MDM2: variants seen among roughly 807,000 people sequenced by gnomAD.
MDM2 encodes MDM2 proto-oncogene, also known as E3 ubiquitin-protein ligase Mdm2.
In MDM2, 11 loss-of-function variants were observed where a neutral mutation model predicts 64.3. The ratio of observed to expected loss-of-function variants is 0.17; its 90% CI spans 0.11 to 0.28. MDM2 has a LOEUF of 0.28. Among genes scored for constraint, MDM2 ranks in the 10% least tolerant of loss-of-function variants. MDM2 has a pLI of 1.00. For missense variants in MDM2, 388 were observed against 577.1 expected (o/e 0.67, Z 3.36); for synonymous variants, 194 against 192.9 (o/e 1.01, Z -0.05).
In MDM2 at chr12:68,840,702, C is replaced by T. The variant is rs1459508676; in HGVS notation, c.*853C>T. On this transcript the variant is annotated 3_prime_UTR_variant, in exon 11 of 11. Transcript: ENST00000258149. ...TGTATTTTTAGTAGAGATAGGGTTTCACCATGTTGGCCAGGCTGGTCACGA... is the reference window on the plus strand; with the variant it reads ...TGTATTTTTAGTAGAGATAGGGTTTTACCATGTTGGCCAGGCTGGTCACGA... 1 of 168,490 alleles carries T rather than the reference C, an allele frequency of 5.9e-6. No individual in the cohort carries two copies. The highest frequency in any genetic ancestry group is 1.3e-5 in the Non-Finnish European group (1 of 77,752). 10.4% of individuals were successfully genotyped at this position (168,490 alleles called of 1,614,324 possible). A position where few individuals can be genotyped will look rare whatever the true frequency, so the allele number is the denominator to read the frequency against.
intron 3 of MDM2, among the ~76,000 whole-genome samples, chr12:68,814,075 CGAA>C (rs1479756962): frequency 7.9e-5 from 12 of 152,196 alleles, no homozygotes; most frequent in African/African-American, 2.7e-4. Context: ...TTTTTTGAGA[CGAA>C]GTCTCGCTCT....
chr12:68,816,433 C>T (rs757780201), intron 3 of MDM2, among the ~76,000 whole-genome samples: 3 of 107,200 alleles, frequency 2.8e-5, no homozygotes, highest in East Asian at 2.6e-4. Context: ...AGTGCAGTGG[C>T]GCAATCTCGG....
At chr12:68,816,404 A>G (rs1343332142) in intron 3 of MDM2, among the ~76,000 whole-genome samples, 1 of 107,034 alleles carries the variant, frequency 9.3e-6, no homozygotes, top group African/African-American at 3.9e-5. Context: ...ATGAAGTCTC[A>G]CTCTGTTGCT....
chr12:68,828,919 G>A lies in MDM2; in HGVS notation c.672G>A (p.Thr224=), dbSNP rs781220406. 42 of 1,613,622 alleles carry A rather than the reference G, an allele frequency of 2.6e-5. No individual in the cohort carries two copies. Among genetic ancestry groups the A allele is most frequent in the East Asian group, 8.9e-5 (4 of 44,876 alleles). Residue 224 remains threonine (T), a synonymous_variant, in exon 8 of 11, where the codon ACG becomes ACA. Transcript: ENST00000258149. ...GCAGTAGCAGTGAATCTACAGGGAC[G>A]CCATCGAATCCGGTAATGTTCTCAT... ...ERSSSSESTG[T]PSNPDLDAGV...
In MDM2 at chr12:68,820,290, C is replaced by T. The variant is rs776599202; in HGVS notation, c.309-35C>T. The stretch of plus-strand genomic sequence containing the variant: ...ATACAAATTTTTATTCTAAAATGTA[C>T]ATCTCTTGTTATTTTTTTTTTTTCT... On this transcript the variant is annotated intron_variant, in intron 4 of 10. Coordinates refer to ENST00000258149, the MANE Select transcript of MDM2 (RefSeq NM_002392.6). 5.2e-5 allele frequency: 75 copies of T among 1,432,946 alleles called. No homozygotes were observed. In the South Asian group the frequency reaches 6.4e-4, roughly 12 times the overall value. The allele number at this position is 1,432,946 out of a possible 1,614,324, so 88.8% of individuals were successfully genotyped here.
At position 68,824,385 on chromosome 12, in the gene MDM2, T is replaced by A. The variant is rs1268155231; in HGVS notation, c.381T>A (p.Ser127=). Residue 127 remains serine (S), a synonymous_variant, in exon 6 of 11, where the codon TCT becomes TCA. Coordinates refer to ENST00000258149, the MANE Select transcript of MDM2 (RefSeq NM_002392.6). Reference sequence around the variant, plus strand: ...CAGAATCATCGGACTCAGGTACATCTGTGAGTGAGAACAGGTGTCACCTTG... The same window carrying A: ...CAGAATCATCGGACTCAGGTACATCAGTGAGTGAGAACAGGTGTCACCTTG... ...NQQESSDSGT[S]VSENRCHLEG... is the part of the protein sequence containing the mutation. The A allele has an allele frequency of 1.2e-6, 2 of 1,608,908 alleles. No homozygotes were observed. The highest frequency in any genetic ancestry group is 1.7e-6 in the Non-Finnish European group (2 of 1,176,630).
chr12:68,815,714 T>C (rs1358004744), intron 3 of MDM2: 2 of 368,702 alleles, frequency 5.4e-6, no homozygotes, highest in East Asian at 1.0e-4. Context: ...AAGTGCTAGA[T>C]TTACAGGTGT....
intron 3 of MDM2, chr12:68,814,619 C>T: frequency 2.4e-6 from 1 of 410,168 alleles, no homozygotes; most frequent in Middle Eastern, 3.5e-4. Context: ...TTGGGCATCC[C>T]TGGATCCCAG....
intron 10 of MDM2, among the ~76,000 whole-genome samples, chr12:68,837,355 G>A (rs1368884437): frequency 6.6e-6 from 1 of 150,566 alleles, no homozygotes; most frequent in African/African-American, 2.4e-5. Flanking sequence ...CTTGTCAAAC[G>A]TAAACTTTTT....
chr12:68,809,028 G>A, intron 1 of MDM2, 180 bp from the exon 2 acceptor site: 1 of 1,483,506 alleles, frequency 6.7e-7, no homozygotes, highest in Non-Finnish European at 8.9e-7. Flanking sequence ...GTGTTCAGTG[G>A]CGATTGGAGG....
At chr12:68,845,768 G>GTT (rs1884245347), downstream of MDM2, 1 of 155,766 alleles carries the variant, frequency 6.4e-6, no homozygotes, top group South Asian at 2.1e-4. Context: ...TTCACCTTTT[G>GTT]TTTGTTTTGT....
intron 4 of MDM2, 46 bp downstream of exon 4, chr12:68,816,991 A>G (rs778253715): frequency 5.6e-6 from 9 of 1,597,968 alleles, no homozygotes; most frequent in South Asian, 1.1e-5. Context: ...CTGGGCTAAC[A>G]TTTCAGTTCA....
intron 8 of MDM2, 59 bp downstream of exon 8, chr12:68,828,990 G>A (rs2136149503): frequency 6.6e-7 from 1 of 1,514,252 alleles, no homozygotes. Context: ...AGTCCTGGCA[G>A]TCCTAATAAG....
At chr12:68,810,967 G>A (rs1342636194) in intron 2 of MDM2, among the ~76,000 whole-genome samples, 1 of 152,090 alleles carries the variant, frequency 6.6e-6, no homozygotes, top group Non-Finnish European at 1.5e-5. Context: ...ACGGGTTCAA[G>A]CGATTCTCTT....
rs1883780353 is a variant in MDM2, at chr12:68,841,698, A to C, written c.*1849A>C. ...AGGTTTCAGACTTTTGCTTAAGGCC[A>C]GTTTTAGAAACCCGTGAATTCAGAA... On this transcript the variant is annotated 3_prime_UTR_variant, in exon 11 of 11. Transcript: ENST00000258149. 9.6e-6 allele frequency: 2 copies of C among 208,078 alleles called. No individual in the cohort carries two copies. The highest frequency in any genetic ancestry group is 2.0e-5 in the Non-Finnish European group (2 of 102,350). 12.9% of individuals were successfully genotyped at this position (208,078 alleles called of 1,614,324 possible).
chr12:68,813,999 C>A (rs1394849967), intron 3 of MDM2, among the ~76,000 whole-genome samples: 1 of 152,178 alleles, frequency 6.6e-6, no homozygotes, highest in Admixed American at 6.5e-5. Flanking sequence ...GATATGTGTG[C>A]TTTTGTTATT....
intron 8 of MDM2, among the ~76,000 whole-genome samples, 180 bp from the exon 9 acceptor site, chr12:68,835,649 T>TG (rs1039339630): frequency 5.3e-5 from 8 of 152,276 alleles, no homozygotes; most frequent in African/African-American, 1.4e-4. Flanking sequence ...GATGGCTGGC[T>TG]GGGGGGCCTA....
intron 5 of MDM2, among the ~76,000 whole-genome samples, chr12:68,821,728 AAAAAC>A (rs60159979): frequency 1.7e-4 from 26 of 151,878 alleles, no homozygotes; most frequent in African/African-American, 5.8e-4. Context: ...TAAAAAAGAC[AAAAAC>A]AAAACAAAAC....
chr12:68,828,054 C>T (rs960800403), intron 7 of MDM2: 1 of 152,226 alleles, frequency 6.6e-6, no homozygotes, highest in Non-Finnish European at 1.5e-5. Flanking sequence ...TCACTTGAAC[C>T]TGGGAGGCAG....
Sources: allele counts gnomAD v4.1 joint callset (sites outside exome capture counted in the v4.1 genomes callset), GRCh38; gene constraint gnomAD v4.1.1; transcripts MANE v1.5; gene names NCBI Gene and HGNC (gene_info 2026-07-23, HGNC 2026-07-21).